KLC1: variants seen among roughly 807,000 people sequenced by gnomAD.
The protein encoded by KLC1 is kinesin 2 60/70kDa.
KLC1 carries 30 observed loss-of-function variants against 84.2 expected under a neutral mutation model. That is an observed-to-expected ratio of 0.36 (90% confidence interval 0.27 to 0.48). KLC1 has a LOEUF of 0.48. Ranked by LOEUF, KLC1 falls within the 20% of genes least tolerant of loss-of-function variation. The probability of loss-of-function intolerance (pLI) is 0.99; values close to 1 mark genes in which losing one functional copy is unlikely to be tolerated. For missense variants in KLC1, 499 were observed against 805.4 expected (o/e 0.62, Z 4.60); for synonymous variants, 289 against 293.3 (o/e 0.99, Z 0.15).
chr14:103,665,909 G>A (rs1207964867), intron 5 of KLC1, among the ~76,000 whole-genome samples: 1 of 141,008 alleles, frequency 7.1e-6, no homozygotes, highest in Non-Finnish European at 1.5e-5. Context: ...TGGAGATAGA[G>A]TATGCATTGT....
chr14:103,657,340 G>T (rs375227296), intron 2 of KLC1, among the ~76,000 whole-genome samples: 2 of 152,304 alleles, frequency 1.3e-5, no homozygotes, highest in South Asian at 4.1e-4. Context: ...GGCATTCTGA[G>T]CGTGTGATAT....
intron 15 of KLC1, chr14:103,696,853 C>T (rs1026458872): frequency 2.8e-4 from 276 of 979,304 alleles, no homozygotes; most frequent in Non-Finnish European, 3.2e-4. Context: ...CTCCCCAGGG[C>T]GTGGTGCCTC....
intron 13 of KLC1, chr14:103,684,737 T>C: frequency 2.1e-6 from 1 of 484,412 alleles, no homozygotes; most frequent in Non-Finnish European, 3.8e-6. Flanking sequence ...TGTGTGTGTG[T>C]CACATGAAAT....
At chr14:103,646,535 A>C (rs901878028) in intron 1 of KLC1, among the ~76,000 whole-genome samples, 1 of 152,022 alleles carries the variant, frequency 6.6e-6, no homozygotes, top group South Asian at 2.1e-4. Context: ...ATTTCAGACA[A>C]GGTCTCACTC....
chr14:103,692,539 G>A (rs1214431456), intron 15 of KLC1, 114 bp downstream of exon 15: 3 of 763,870 alleles, frequency 3.9e-6, no homozygotes, highest in African/African-American at 1.8e-5. Context: ...GGCTGGGGAC[G>A]CCGCCACGTT....
chr14:103,695,047 T>C, intron 15 of KLC1: 6 of 985,406 alleles, frequency 6.1e-6, no homozygotes, highest in Non-Finnish European at 7.2e-6. Flanking sequence ...GACTCCATTC[T>C]TGCAGATTCT....
At position 103,662,699 on chromosome 14, in the gene KLC1, C is replaced by T. The variant is rs560605984; in HGVS notation, c.572-3C>T. On this transcript the variant is annotated splice_polypyrimidine_tract_variant and splice_region_variant and intron_variant, in intron 4 of 16. Coordinates refer to ENST00000334553, the MANE Select transcript of KLC1 (RefSeq NM_001394837.1). ...CCATCTGAAGTGAACTTTCTCGGTG[C>T]AGTCCAGCAGCAGCACAGCAGTGCA... is the stretch of plus-strand genomic sequence containing the variant. 31 of 1,556,334 alleles carry T rather than the reference C, an allele frequency of 2.0e-5. No individual in the cohort carries two copies. The African/African-American group carries it at 3.6e-4, about 18-fold the overall frequency.
At chr14:103,674,604 A>T (rs796544308) in intron 9 of KLC1, among the ~76,000 whole-genome samples, 10 of 152,016 alleles carry the variant, frequency 6.6e-5, no homozygotes, top group African/African-American at 2.4e-4. Context: ...TAGTAGAGAC[A>T]GATTTTCACC....
At chr14:103,667,599 G>T (rs907989044) in intron 5 of KLC1, among the ~76,000 whole-genome samples, 2 of 152,182 alleles carry the variant, frequency 1.3e-5, no homozygotes, top group African/African-American at 4.8e-5. Flanking sequence ...GCCTCCCAAA[G>T]TGCTAGGATT....
At chr14:103,641,113 T>TG (rs941803082) in intron 1 of KLC1, among the ~76,000 whole-genome samples, 1 of 152,038 alleles carries the variant, frequency 6.6e-6, no homozygotes, top group African/African-American at 2.4e-5. Context: ...TTAGTAGAGA[T>TG]GGGGTTTTGC....
chr14:103,690,271 CT>C, intron 14 of KLC1, among the ~76,000 whole-genome samples: 1 of 152,182 alleles, frequency 6.6e-6, no homozygotes, highest in African/African-American at 2.4e-5. Context: ...TGATTTTATA[CT>C]TTGTTCTTGA....
At chr14:103,677,159 G>A (rs1373598904) in intron 11 of KLC1, among the ~76,000 whole-genome samples, 2 of 152,222 alleles carry the variant, frequency 1.3e-5, no homozygotes, top group Non-Finnish European at 2.9e-5. Context: ...TGTGAGAGCC[G>A]CCTCAGCCTG....
intron 15 of KLC1, chr14:103,697,090 A>T (rs1595603975): frequency 3.0e-6 from 3 of 985,462 alleles, no homozygotes; most frequent in South Asian, 4.7e-5. Context: ...TGTCTTGCCT[A>T]GAAAAGCATT....
At chr14:103,639,160 A>G (rs1189290453) in intron 1 of KLC1, among the ~76,000 whole-genome samples, 1 of 152,100 alleles carries the variant, frequency 6.6e-6, no homozygotes, top group Non-Finnish European at 1.5e-5. Context: ...GACAGATGCG[A>G]ATTCTTCTTT....
At chr14:103,658,690 C>G (rs2079027968) in intron 3 of KLC1, among the ~76,000 whole-genome samples, 1 of 139,086 alleles carries the variant, frequency 7.2e-6, no homozygotes, top group Admixed American at 7.4e-5. Flanking sequence ...TGGAGTCTCA[C>G]TCTGTCACCC....
intron 15 of KLC1, chr14:103,696,093 C>CGGGGGGGGGGGGGGGG: frequency 7.7e-6 from 1 of 129,312 alleles, no homozygotes. Flanking sequence ...AATCACTGCG[C>CGGGGGGGGGGGGGGGG]CCCCGCCCCC....
chr14:103,699,371 A>T, intron 15 of KLC1: 2 of 1,606,952 alleles, frequency 1.2e-6, no homozygotes, highest in Non-Finnish European at 1.7e-6. Context: ...CACCTGGTTG[A>T]TGCACAGCAC....
rs936385251 is a variant in KLC1, at chr14:103,699,010, C to T, written c.1849-1645C>T. 1.9e-6 allele frequency: 3 copies of T among 1,587,268 alleles called. No individual in the cohort carries two copies. The African/African-American group carries it at 4.0e-5, about 21-fold the overall frequency. On this transcript the variant is annotated intron_variant, in intron 15 of 16. Transcript: ENST00000334553. Reference sequence around the variant, plus strand: ...CCAAGGGCTGGGGAAACACGTTCGTCCCAGAACCTGAGAAACAGGAAGCAG... The same window carrying T: ...CCAAGGGCTGGGGAAACACGTTCGTTCCAGAACCTGAGAAACAGGAAGCAG...
intron 7 of KLC1, among the ~76,000 whole-genome samples, chr14:103,670,765 T>C (rs2151672735): frequency 6.6e-6 from 1 of 152,072 alleles, no homozygotes; most frequent in South Asian, 2.1e-4. Context: ...AAAGCCAGAT[T>C]GGCCCATACA....
Sources: allele counts gnomAD v4.1 joint callset (sites outside exome capture counted in the v4.1 genomes callset), GRCh38; gene constraint gnomAD v4.1.1; transcripts MANE v1.5; gene names NCBI Gene and HGNC (gene_info 2026-07-23, HGNC 2026-07-21).